KCNK13: variants seen among roughly 807,000 people sequenced by gnomAD.
The protein encoded by KCNK13 is potassium two pore domain channel subfamily K member 13, also known as potassium channel subfamily K member 13.
In KCNK13, 12 loss-of-function variants were observed where a neutral mutation model predicts 23.4. The observed-to-expected ratio is 0.51, with a 90% CI of 0.33 to 0.83. KCNK13 has a LOEUF of 0.83. Ranked by LOEUF, KCNK13 falls within the 40% of genes least tolerant of loss-of-function variation. KCNK13 has a pLI of 0.02. For synonymous variants in KCNK13, 231 were observed against 229.5 expected (o/e 1.01, Z -0.06); for missense variants, 463 against 556.3 (o/e 0.83, Z 1.69).
chr14:90,082,750 A>G (rs1889228390), intron 1 of KCNK13, among the ~76,000 whole-genome samples: 2 of 152,230 alleles, frequency 1.3e-5, no homozygotes, highest in South Asian at 4.1e-4. Flanking sequence ...GTTTATAAAA[A>G]CGTATGTCCA....
chr14:90,071,837 G>A (rs1889078658), intron 1 of KCNK13, among the ~76,000 whole-genome samples: 1 of 151,954 alleles, frequency 6.6e-6, no homozygotes, highest in South Asian at 2.1e-4. Flanking sequence ...GGCGGAAGTT[G>A]CAGTGAGCCG....
intron 1 of KCNK13, among the ~76,000 whole-genome samples, chr14:90,128,388 GGCCTCTTTATCCTTTT>G (rs1889828086): frequency 6.6e-6 from 1 of 151,980 alleles, no homozygotes; most frequent in Admixed American, 6.6e-5. Flanking sequence ...ATTTTTCAGG[GGCCTCTTTATCCTTTT>G]ACCCCTTGGC....
At chr14:90,141,093 C>A (rs1890000288) in intron 1 of KCNK13, among the ~76,000 whole-genome samples, 1 of 152,174 alleles carries the variant, frequency 6.6e-6, no homozygotes, top group South Asian at 2.1e-4. Flanking sequence ...AGGTCAAAAC[C>A]AAGAGAGCTG....
At chr14:90,167,528 C>T (rs1785776558) in intron 1 of KCNK13, among the ~76,000 whole-genome samples, 1 of 152,164 alleles carries the variant, frequency 6.6e-6, no homozygotes, top group African/African-American at 2.4e-5. Flanking sequence ...GATTCAATCC[C>T]AGACATGCTG....
At chr14:90,132,691 C>T (rs1889889311) in intron 1 of KCNK13, among the ~76,000 whole-genome samples, 1 of 152,006 alleles carries the variant, frequency 6.6e-6, no homozygotes, top group Non-Finnish European at 1.5e-5. Flanking sequence ...GGTGGTTGTA[C>T]AATGTGAATG....
At position 90,107,090 on chromosome 14, in the gene KCNK13, C is replaced by T. The variant is rs149474400; in HGVS notation, c.334+44551C>T. 3.7e-4 allele frequency among the ~76,000 whole-genome samples: 57 copies of T among 152,234 alleles called. 1 individual carries two copies. In the East Asian group the frequency reaches 0.01, roughly 28 times the overall value. On this transcript the variant is annotated intron_variant, in intron 1 of 1. Transcript: ENST00000282146. ...ATAATGAAGCGCTCGGGTGTTTGTA[C>T]CTGCGGGTAGGCTGACACAGGTGCT...
intron 1 of KCNK13, among the ~76,000 whole-genome samples, chr14:90,089,294 T>G (rs1373260532): frequency 2.0e-5 from 3 of 152,188 alleles, no homozygotes; most frequent in Non-Finnish European, 2.9e-5. Flanking sequence ...ATGAAGAACT[T>G]GTTGGGAACT....
At chr14:90,182,662 A>C (rs1739102497) in intron 1 of KCNK13, among the ~76,000 whole-genome samples, 1 of 151,972 alleles carries the variant, frequency 6.6e-6, no homozygotes, top group Admixed American at 6.6e-5. Flanking sequence ...ATCTCTACAA[A>C]AATTTGAAAA....
chr14:90,151,911 C>T (rs183063569), intron 1 of KCNK13, among the ~76,000 whole-genome samples: 319 of 152,268 alleles, frequency 2.1e-3, no homozygotes, highest in African/African-American at 7.2e-3. Flanking sequence ...TTGGCACTTT[C>T]GTCAAAGATC....
At chr14:90,173,953 G>A (rs1890393133) in intron 1 of KCNK13, among the ~76,000 whole-genome samples, 1 of 152,140 alleles carries the variant, frequency 6.6e-6, no homozygotes, top group Non-Finnish European at 1.5e-5. Context: ...GGGGAAGCAG[G>A]CACATCTTAC....
At chr14:90,169,087 C>A (rs4904638) in intron 1 of KCNK13, among the ~76,000 whole-genome samples, 36,689 of 151,936 alleles carry the variant, frequency 0.24, 5,721 homozygotes, top group East Asian at 0.64. Flanking sequence ...TTATTAGCAG[C>A]GTGAGAACAG....
At chr14:90,166,847 T>C (rs1890309482) in intron 1 of KCNK13, among the ~76,000 whole-genome samples, 1 of 152,148 alleles carries the variant, frequency 6.6e-6, no homozygotes, top group Non-Finnish European at 1.5e-5. Flanking sequence ...TGAGCTCTGA[T>C]TGGTGCCCTG....
intron 1 of KCNK13, among the ~76,000 whole-genome samples, chr14:90,084,921 A>C (rs1463393418): frequency 2.0e-5 from 3 of 151,746 alleles, no homozygotes; most frequent in South Asian, 2.1e-4. Flanking sequence ...TTTTGCATTG[A>C]TTTTTGTTTT....
At position 90,184,911 on chromosome 14, in the gene KCNK13, A is replaced by G; in HGVS notation, c.1135A>G (p.Ser379Gly). ...GGCCAACGGCTGCCCCCACCAGACC[A>G]GCACACTGGCCCGGGACAATGAATT... is the stretch of plus-strand genomic sequence containing the variant. ...EMANGCPHQT[S>G]TLARDNEFSG... The change falls in exon 2 of 2, where the codon AGC (serine) becomes GGC (glycine). Residue 379 changes from serine to glycine, a missense_variant. By Grantham distance (56) the Ser-to-Gly change is moderately conservative. Around this residue, in one of 3 missense-constraint regions of KCNK13, gnomAD observed 166 missense variants for 178.8 expected, o/e 0.93. Coordinates refer to ENST00000282146, the MANE Select transcript of KCNK13 (RefSeq NM_022054.4). This position sits in a 1 kb window ranked among gnomAD's most constrained non-coding sequence, Gnocchi z 5.6. 1 of 1,613,778 alleles carries G rather than the reference A, an allele frequency of 6.2e-7. No homozygotes were observed. Among genetic ancestry groups the G allele is most frequent in the Non-Finnish European group, 8.5e-7 (1 of 1,179,894 alleles).
At chr14:90,183,456 CTT>C (rs80043458) in intron 1 of KCNK13, among the ~76,000 whole-genome samples, 35,604 of 151,986 alleles carry the variant, frequency 0.23, 5,332 homozygotes, top group East Asian at 0.53. Context: ...CCTAACTCCT[CTT>C]TAGCTTTTGG....
intron 1 of KCNK13, among the ~76,000 whole-genome samples, chr14:90,145,371 C>T (rs151332780): frequency 8.6e-5 from 13 of 152,040 alleles, no homozygotes; most frequent in African/African-American, 2.4e-4. Context: ...CCAGCCTGGG[C>T]GACAGAGCAA....
At chr14:90,127,914 A>C (rs538980228) in intron 1 of KCNK13, among the ~76,000 whole-genome samples, 13 of 152,150 alleles carry the variant, frequency 8.5e-5, no homozygotes, top group Admixed American at 2.6e-4. Context: ...ACTTTTGGGA[A>C]ATAAGGAAGA....
chr14:90,147,661 T>A (rs574924235), intron 1 of KCNK13, among the ~76,000 whole-genome samples: 1 of 152,322 alleles, frequency 6.6e-6, no homozygotes, highest in South Asian at 2.1e-4. Context: ...ATATCTCTCA[T>A]CTCTGTCCAT....
At chr14:90,142,841 T>C (rs1890025421) in intron 1 of KCNK13, among the ~76,000 whole-genome samples, 1 of 152,234 alleles carries the variant, frequency 6.6e-6, no homozygotes, top group Non-Finnish European at 1.5e-5. Context: ...GGTTAGGACT[T>C]GGGCTTACAT....
Sources: gnomAD v4.1 joint callset for allele counts (sites outside exome capture counted in the v4.1 genomes callset) on GRCh38, gnomAD v4.1.1 for gene constraint, gnomAD v4.1.1 regional missense constraint, Gnocchi (gnomAD v3.1) non-coding constraint, MANE v1.5 for transcripts, NCBI Gene and HGNC (gene_info 2026-07-23, HGNC 2026-07-21) for gene names.